SLC26A7: variants seen among roughly 807,000 people sequenced by gnomAD.
SLC26A7 encodes the protein anion exchange transporter.
Under a neutral mutation model 82.5 loss-of-function variants are expected in SLC26A7, and 59 were observed. The ratio of observed to expected loss-of-function variants is 0.72; its 90% CI spans 0.58 to 0.89. SLC26A7 has a LOEUF of 0.89. Among genes scored for constraint, SLC26A7 ranks in the 40% least tolerant of loss-of-function variants. The pLI is 0.00. For missense variants in SLC26A7, 820 were observed against 793.0 expected (o/e 1.03, Z -0.41); for synonymous variants, 271 against 274.3 (o/e 0.99, Z 0.12).
upstream of SLC26A7, among the ~76,000 whole-genome samples, chr8:91,245,020 C>T (rs1472517005): frequency 6.6e-6 from 1 of 152,154 alleles, no homozygotes; most frequent in Non-Finnish European, 1.5e-5. Context: ...CTCTACTGTA[C>T]TGGTTGGCCT....
chr8:91,332,587 G>A (rs1485939015), intron 5 of SLC26A7, among the ~76,000 whole-genome samples: 1 of 150,286 alleles, frequency 6.7e-6, no homozygotes, highest in Non-Finnish European at 1.5e-5. Flanking sequence ...GAGTGTAGTG[G>A]TGCAATCATA....
Position 91,389,374 on chromosome 8 carries a change from A to G in SLC26A7, c.1712A>G (p.Tyr571Cys). 1.2e-6 allele frequency: 2 copies of G among 1,614,072 alleles called. No homozygotes were observed. Among genetic ancestry groups the G allele is most frequent in the Non-Finnish European group, 1.7e-6 (2 of 1,179,942 alleles). ...ASQSCPNEKC[Y>C]LILDCSGFTF... ...CAGTCCTGCCCTAATGAGAAGTGTT[A>G]TTTAATCCTGGATTGCAGTGGATTT... is the stretch of plus-strand genomic sequence containing the variant. The change falls in exon 16 of 19, where the codon TAT becomes TGT. Residue 571 changes from tyrosine (Y) to cysteine (C), a missense_variant. Transcript: ENST00000276609.
intron 2 of SLC26A7, among the ~76,000 whole-genome samples, chr8:91,265,967 T>C (rs1037353859): frequency 3.3e-5 from 5 of 152,066 alleles, no homozygotes; most frequent in Non-Finnish European, 5.9e-5. Flanking sequence ...TATTTTTGCT[T>C]TTGTTGCCTG....
At chr8:91,270,756 C>T (rs1811246614) in intron 2 of SLC26A7, among the ~76,000 whole-genome samples, 2 of 152,164 alleles carry the variant, frequency 1.3e-5, no homozygotes, top group African/African-American at 2.4e-5. Flanking sequence ...GAGTTCTTTT[C>T]CTTGGTCAAA....
chr8:91,300,481 T>A (rs933690718), intron 4 of SLC26A7, among the ~76,000 whole-genome samples: 6 of 151,500 alleles, frequency 4.0e-5, no homozygotes, highest in African/African-American at 1.5e-4. Context: ...CACTGCAAGC[T>A]CCGCCTCCCG....
At position 91,394,012 on chromosome 8, in the gene SLC26A7, T is replaced by C. The variant is rs532653737; in HGVS notation, c.1908T>C (p.Ala636=). 1.2e-6 allele frequency: 2 copies of C among 1,613,692 alleles called. No individual in the cohort carries two copies. Among genetic ancestry groups the C allele is most frequent in the African/African-American group, 2.7e-5 (2 of 75,044 alleles). The stretch of plus-strand genomic sequence containing the variant: ...CAATTTTTTTTGAATCGGTATCTGC[T>C]GCAATAAGTCATATCCATTCAAATA... ...EKPIFFESVS[A]AISHIHSNKN... Residue 636 remains alanine, a synonymous_variant, in exon 18 of 19, where the codon GCT becomes GCC. Coordinates refer to ENST00000276609, the MANE Select transcript of SLC26A7 (RefSeq NM_052832.4).
Position 91,249,431 on chromosome 8 carries a change from T to C in SLC26A7, c.-114+18T>C, listed in dbSNP as rs1810596263. 2.7e-6 allele frequency: 1 copy of C among 369,318 alleles called. No individual in the cohort carries two copies. The highest frequency in any genetic ancestry group is 4.8e-6 in the Non-Finnish European group (1 of 208,260). 22.9% of individuals were successfully genotyped at this position (369,318 alleles called of 1,614,324 possible). A position where few individuals can be genotyped will look rare whatever the true frequency, so the allele number is the denominator to read the frequency against. On this transcript the variant is annotated intron_variant, in intron 1 of 18. Transcript: ENST00000276609. ...AATTCAAGGTTTTAATCTATAGTTT[T>C]TAAATCTAGAATAATTAGCTGTATC...
intron 2 of SLC26A7, among the ~76,000 whole-genome samples, chr8:91,285,655 C>T (rs1006585358): frequency 1.3e-5 from 2 of 152,190 alleles, no homozygotes; most frequent in Non-Finnish European, 2.9e-5. Flanking sequence ...GTAATAGCTG[C>T]TCCTTTGAAT....
rs376802040 is a variant in SLC26A7, at chr8:91,395,332, G to T, written c.*235G>T. On this transcript the variant is annotated 3_prime_UTR_variant, in exon 19 of 19. Coordinates refer to ENST00000276609, the MANE Select transcript of SLC26A7 (RefSeq NM_052832.4). ...TTATGTAAAAATCAGTATGTGTTTA[G>T]TTTTAGTGTACTGAAGGGTAAACAT... 3 of 1,057,660 alleles carry T rather than the reference G, an allele frequency of 2.8e-6. No individual in the cohort carries two copies. Among genetic ancestry groups the T allele is most frequent in the East Asian group, 3.1e-5 (1 of 32,650 alleles). The allele number at this position is 1,057,660 out of a possible 1,614,324, so 65.5% of individuals were successfully genotyped here.
intron 2 of SLC26A7, among the ~76,000 whole-genome samples, chr8:91,234,811 A>C (rs1810365049): frequency 8.2e-6 from 1 of 122,276 alleles, no homozygotes; most frequent in African/African-American, 3.6e-5. Flanking sequence ...CTACCTACCT[A>C]CCTACCTACC....
intron 2 of SLC26A7, among the ~76,000 whole-genome samples, chr8:91,251,672 C>A (rs76620197): frequency 6.6e-6 from 1 of 151,982 alleles, no homozygotes; most frequent in South Asian, 2.1e-4. Flanking sequence ...ACACAGCAGT[C>A]TCCTCTCCAT....
intron 11 of SLC26A7, among the ~76,000 whole-genome samples, chr8:91,359,994 C>G (rs1287919710): frequency 1.3e-5 from 2 of 151,982 alleles, no homozygotes; most frequent in Admixed American, 6.6e-5. Context: ...CTCTTTACAT[C>G]TATTAACAGT....
At chr8:91,250,671 C>A (rs1362535639) in intron 2 of SLC26A7, among the ~76,000 whole-genome samples, 6 of 152,152 alleles carry the variant, frequency 3.9e-5, no homozygotes. Flanking sequence ...GGCATAGACA[C>A]TGCAGGCTTA....
At chr8:91,247,708 T>C (rs1310408345), upstream of SLC26A7, among the ~76,000 whole-genome samples, 4 of 152,300 alleles carry the variant, frequency 2.6e-5, no homozygotes, top group East Asian at 7.7e-4. Flanking sequence ...TCTATTTACC[T>C]TCAATTCATA....
intron 2 of SLC26A7, among the ~76,000 whole-genome samples, chr8:91,241,982 A>G (rs1213159674): frequency 6.6e-6 from 1 of 152,204 alleles, no homozygotes; most frequent in Non-Finnish European, 1.5e-5. Context: ...CATGTCAAAC[A>G]CTATTTGGCA....
At chr8:91,285,615 A>G (rs935612236) in intron 2 of SLC26A7, among the ~76,000 whole-genome samples, 10 of 152,264 alleles carry the variant, frequency 6.6e-5, no homozygotes, top group Admixed American at 1.3e-4. Context: ...TATGAAGATG[A>G]TAGACATTTC....
intron 18 of SLC26A7, chr8:91,394,508 A>G: frequency 1.5e-6 from 2 of 1,322,640 alleles, no homozygotes; most frequent in Non-Finnish European, 1.9e-6. Context: ...AAGTTATTTT[A>G]CAAATGCTGG....
rs374824026 is a variant in SLC26A7, at chr8:91,249,495, A to ATC, written c.-113-26_-113-25dup. ...TGCATATATTGAAGTGCTTCTGTTA[A>ATC]TCTCTCTCTCTCTCTCTCTTTTATT... On this transcript the variant is annotated intron_variant, in intron 1 of 18. Transcript: ENST00000276609. 2.3e-3 allele frequency: 1,031 copies of ATC among 447,304 alleles called. 3 individuals carry two copies. The highest frequency in any genetic ancestry group is 0.021 in the East Asian group (583 of 27,764). 27.7% of individuals were successfully genotyped at this position (447,304 alleles called of 1,614,324 possible). A position where few individuals can be genotyped will look rare whatever the true frequency, so the allele number is the denominator to read the frequency against.
intron 11 of SLC26A7, among the ~76,000 whole-genome samples, chr8:91,358,940 G>T (rs1055020095): frequency 4.6e-5 from 7 of 152,126 alleles, no homozygotes; most frequent in African/African-American, 1.7e-4. Context: ...TGGGTTGGGG[G>T]GACGGGGGAG....
Sources: gnomAD v4.1 joint callset for allele counts (sites outside exome capture counted in the v4.1 genomes callset) on GRCh38, gnomAD v4.1.1 for gene constraint, MANE v1.5 for transcripts, NCBI Gene and HGNC (gene_info 2026-07-23, HGNC 2026-07-21) for gene names.